The following NEO1 variants were observed in gnomAD, a reference collection of about 807,000 sequenced individuals.
NEO1 encodes neogenin.
A neutral mutation model predicts 159.7 loss-of-function variants in NEO1; 63 were observed. The ratio of observed to expected loss-of-function variants is 0.39; its 90% CI spans 0.32 to 0.49. NEO1 has a LOEUF of 0.49. NEO1 is among the 20% of genes least tolerant of loss of function. NEO1 has a pLI of 0.85. For synonymous variants in NEO1, 633 were observed against 662.0 expected (o/e 0.96, Z 0.67); for missense variants, 1,615 against 1,831.0 (o/e 0.88, Z 2.15).
chr15:73,300,185 G>A (rs1483914142), intron 27 of NEO1, among the ~76,000 whole-genome samples: 1 of 152,200 alleles, frequency 6.6e-6, no homozygotes, highest in East Asian at 1.9e-4. Flanking sequence ...TCATCAAAAT[G>A]TGTAAGTATT....
In NEO1 at chr15:73,227,216, C is replaced by A. The variant is rs115563378; in HGVS notation, c.1292-9131C>A. On this transcript the variant is annotated intron_variant, in intron 7 of 28. Coordinates refer to ENST00000261908, the MANE Select transcript of NEO1 (RefSeq NM_002499.4). The stretch of plus-strand genomic sequence containing the variant: ...TTACTCAATATAAAGCCGGGTCAGG[C>A]CGGGCGCAGTGGCTCATACCTGTAA... Among the ~76,000 whole-genome samples the A allele has an allele frequency of 2.8e-3, 432 of 152,260 alleles. 3 individuals are homozygous for A. Among genetic ancestry groups the A allele is most frequent in the African/African-American group, 9.9e-3 (410 of 41,544 alleles).
chr15:73,112,481 A>G (rs972803005), intron 1 of NEO1, among the ~76,000 whole-genome samples: 5 of 151,914 alleles, frequency 3.3e-5, no homozygotes, highest in Admixed American at 3.3e-4. Flanking sequence ...TCTAGCTTTT[A>G]GTTTCCTATT....
intron 6 of NEO1, 67 bp from the exon 7 acceptor site, chr15:73,178,240 T>C: frequency 5.5e-6 from 8 of 1,452,364 alleles, no homozygotes; most frequent in Non-Finnish European, 7.5e-6. Context: ...AAAAGCATAT[T>C]TTTGAGATTT....
chr15:73,282,946 C>A lies in NEO1; in HGVS notation c.3263-18C>A. 1 of 1,612,068 alleles carries A rather than the reference C, an allele frequency of 6.2e-7. No individual in the cohort carries two copies. Among genetic ancestry groups the A allele is most frequent in the Non-Finnish European group, 8.5e-7 (1 of 1,179,144 alleles). On this transcript the variant is annotated intron_variant, in intron 22 of 28. Transcript: ENST00000261908. ...AAATTCTCTAACCCTAACACATGTA[C>A]CATTTCTCTCTCTGCAGGCAGTAAC...
chr15:73,217,013 G>C (rs1178846478), intron 7 of NEO1, among the ~76,000 whole-genome samples: 1 of 152,134 alleles, frequency 6.6e-6, no homozygotes, highest in Non-Finnish European at 1.5e-5. Flanking sequence ...CCATGCCTGT[G>C]TCCTGAATGG....
intron 7 of NEO1, among the ~76,000 whole-genome samples, chr15:73,195,588 A>G (rs903541443): frequency 6.6e-6 from 1 of 152,182 alleles, no homozygotes; most frequent in African/African-American, 2.4e-5. Context: ...AACTGCTGTA[A>G]TAGTGTTTTA....
chr15:73,052,590 A>AG lies in NEO1; in HGVS notation c.-83dup. ...GGCCGCGGGAGCCGAGCTTGCAGCGAGGGACCGGCTGAGGCGCGCGGGAGG... is the reference window on the plus strand; with the variant it reads ...GGCCGCGGGAGCCGAGCTTGCAGCGAGGGGACCGGCTGAGGCGCGCGGGAGG... On this transcript the variant is annotated 5_prime_UTR_variant, in exon 1 of 29. Transcript: ENST00000261908. 1.2e-6 allele frequency: 1 copy of AG among 856,570 alleles called. No individual in the cohort carries two copies. Among genetic ancestry groups the AG allele is most frequent in the Non-Finnish European group, 1.5e-6 (1 of 672,404 alleles). 53.1% of individuals were successfully genotyped at this position (856,570 alleles called of 1,614,324 possible).
chr15:73,236,339 C>T lies in NEO1; in HGVS notation c.1292-8C>T. Reference sequence around the variant, plus strand: ...CTTCACTGACCAGTGCCACTACTGACCATCTAGCACCAGCCACAACGGGAC... The same window carrying T: ...CTTCACTGACCAGTGCCACTACTGATCATCTAGCACCAGCCACAACGGGAC... On this transcript the variant is annotated splice_polypyrimidine_tract_variant and splice_region_variant and intron_variant, in intron 7 of 28. Transcript: ENST00000261908. 1 of 1,614,186 alleles carries T rather than the reference C, an allele frequency of 6.2e-7. No individual in the cohort carries two copies. Among genetic ancestry groups the T allele is most frequent in the Admixed American group, 1.7e-5 (1 of 60,024 alleles).
chr15:73,127,191 A>G (rs901339555), intron 4 of NEO1, among the ~76,000 whole-genome samples: 2 of 151,670 alleles, frequency 1.3e-5, no homozygotes, highest in African/African-American at 4.9e-5. Flanking sequence ...AGATCGCGTC[A>G]CTGCACTCTA....
rs551254531 is a variant in NEO1 at position 73,220,288 on chromosome 15, G to A, written c.1292-16059G>A. The stretch of plus-strand genomic sequence containing the variant: ...CTGGCTTGTATGTAGAGTTTCTGCC[G>A]AGAGATCCACTGTTAGTCTGATGGG... On this transcript the variant is annotated intron_variant, in intron 7 of 28. Coordinates refer to ENST00000261908, the MANE Select transcript of NEO1 (RefSeq NM_002499.4). Among the ~76,000 whole-genome samples the A allele has an allele frequency of 1.2e-3, 183 of 152,256 alleles. 1 individual carries two copies. Among genetic ancestry groups the A allele is most frequent in the Non-Finnish European group, 2.2e-3 (150 of 68,036 alleles).
intron 5 of NEO1, among the ~76,000 whole-genome samples, chr15:73,139,161 C>T (rs1000504292): frequency 6.6e-6 from 1 of 151,972 alleles, no homozygotes; most frequent in African/African-American, 2.4e-5. Context: ...ACACCATACA[C>T]AAAAATCAAC....
intron 1 of NEO1, among the ~76,000 whole-genome samples, chr15:73,086,079 G>A (rs1187427103): frequency 2.6e-5 from 4 of 152,040 alleles, no homozygotes; most frequent in Non-Finnish European, 4.4e-5. Context: ...TTTTACATTT[G>A]ACATTTAGAT....
chr15:73,085,779 A>G (rs146531102), intron 1 of NEO1, among the ~76,000 whole-genome samples: 1 of 152,296 alleles, frequency 6.6e-6, no homozygotes, highest in East Asian at 1.9e-4. Flanking sequence ...GTGTGTATGC[A>G]AATCTTTTGC....
intron 14 of NEO1, 121 bp from the exon 15 acceptor site, chr15:73,260,150 C>A: frequency 1.4e-6 from 1 of 729,374 alleles, no homozygotes; most frequent in Non-Finnish European, 2.2e-6. Flanking sequence ...AACTCTTGGG[C>A]ATAATGTAAA....
chr15:73,276,137 A>G (rs913278520), intron 21 of NEO1, among the ~76,000 whole-genome samples: 2 of 152,374 alleles, frequency 1.3e-5, no homozygotes, highest in African/African-American at 4.8e-5. Flanking sequence ...ACTTGATTCC[A>G]TAGCCAGAGT....
chr15:73,126,702 C>A, intron 4 of NEO1, 132 bp downstream of exon 4: 2 of 712,300 alleles, frequency 2.8e-6, no homozygotes, highest in Non-Finnish European at 4.3e-6. Context: ...ATATGTCATC[C>A]TTCAAATATG....
intron 15 of NEO1, among the ~76,000 whole-genome samples, chr15:73,263,035 A>G (rs2040697799): frequency 6.6e-6 from 1 of 152,148 alleles, no homozygotes; most frequent in East Asian, 1.9e-4. Flanking sequence ...GTTAGGAATC[A>G]ACTACAAGGG....
At chr15:73,242,776 GGAA>G (rs1379790384) in intron 8 of NEO1, among the ~76,000 whole-genome samples, 3 of 152,204 alleles carry the variant, frequency 2.0e-5, no homozygotes, top group South Asian at 2.1e-4. Context: ...CTGAAAAGGA[GGAA>G]GAAGAAGAAA....
In NEO1 at chr15:73,260,329, C is replaced by T. The variant is rs751653901; in HGVS notation, c.2262C>T (p.Ile754=). Residue 754 remains isoleucine, a synonymous_variant, in exon 15 of 29, where the codon ATC becomes ATT. Coordinates refer to ENST00000261908, the MANE Select transcript of NEO1 (RefSeq NM_002499.4). ...SLHVRPLVTS[I]VVSWTPPENQ... ...ACGTACGCCCGCTCGTTACTAGCAT[C>T]GTAGTGAGCTGGACTCCTCCAGAGA... The T allele has an allele frequency of 1.8e-5, 29 of 1,613,976 alleles. No homozygotes were observed. The South Asian group carries it at 2.3e-4, about 13-fold the overall frequency.
Sources: gnomAD v4.1 joint callset for allele counts (sites outside exome capture counted in the v4.1 genomes callset) on GRCh38, gnomAD v4.1.1 for gene constraint, MANE v1.5 for transcripts, NCBI Gene and HGNC (gene_info 2026-07-23, HGNC 2026-07-21) for gene names.